The following MYO18B variants were observed in gnomAD, a reference collection of about 807,000 sequenced individuals.
The protein encoded by MYO18B is myosin XVIIIB.
Under a neutral mutation model 273.0 loss-of-function variants are expected in MYO18B, and 204 were observed. That is an observed-to-expected ratio of 0.75 (90% CI 0.67 to 0.84). MYO18B has a LOEUF of 0.84. Among genes scored for constraint, MYO18B ranks in the 40% least tolerant of loss-of-function variants. MYO18B has a pLI of 0.00. For missense variants in MYO18B, 3,212 were observed against 3,287.6 expected, an observed-to-expected ratio of 0.98 and a Z score of 0.56; for synonymous variants, 1,330 against 1,305.7, an observed-to-expected ratio of 1.02 and a Z score of -0.40.
rs149021569 is a variant in MYO18B at position 25,771,259 on chromosome 22, GTTC to G, written c.1692+280_1692+282del. 7.8e-3 allele frequency among the ~76,000 whole-genome samples: 1,189 copies of G among 152,328 alleles called. 16 individuals carry two copies. The highest frequency in any genetic ancestry group is 0.026 in the African/African-American group (1,093 of 41,556). ...TGTTTGTCAGGTCTTGGCCCTGGGAGTTCTTCTGATGGACCCAAGAAAATGACT... is the reference window on the plus strand; with the variant it reads ...TGTTTGTCAGGTCTTGGCCCTGGGAGTTCTGATGGACCCAAGAAAATGACT... On this transcript the variant is annotated intron_variant, in intron 6 of 43. Coordinates refer to ENST00000335473, the MANE Select transcript of MYO18B (RefSeq NM_032608.7).
intron 42 of MYO18B, among the ~76,000 whole-genome samples, chr22:26,010,383 G>T (rs1327537804): frequency 6.6e-6 from 1 of 152,120 alleles, no homozygotes; most frequent in Non-Finnish European, 1.5e-5. Context: ...GAAGCATGTG[G>T]TGGGCTCAGA....
intron 17 of MYO18B, 85 bp from the exon 18 acceptor site, chr22:25,843,650 G>A (rs1039016374): frequency 2.1e-6 from 3 of 1,413,642 alleles, no homozygotes; most frequent in Non-Finnish European, 2.9e-6. Context: ...ACGTTAAGAT[G>A]GATACTGTGC....
rs1569225163 is a variant in MYO18B at position 25,948,448 on chromosome 22, TTCCTTCCTTCC to T, written c.5748+622_5748+632del. Among the ~76,000 whole-genome samples the T allele has an allele frequency of 6.6e-4, 86 of 131,246 alleles. 1 individual carries two copies. The highest frequency in any genetic ancestry group is 8.7e-4 in the Non-Finnish European group (55 of 63,488). 86.1% of individuals were successfully genotyped at this position (131,246 alleles called of 152,430 possible). A position where few individuals can be genotyped will look rare whatever the true frequency, so the allele number is the denominator to read the frequency against. On this transcript the variant is annotated intron_variant, in intron 36 of 43. Transcript: ENST00000335473. ...CTTCCTTCCTTCCTTCCTTCCTTCCTTCCTTCCTTCCTTCTTTCTTTCTTTCTTTCTTTCTT... is the reference window on the plus strand; with the variant it reads ...CTTCCTTCCTTCCTTCCTTCCTTCCTTTCTTTCTTTCTTTCTTTCTTTCTT...
At chr22:25,977,594 T>G (rs2093105161) in intron 39 of MYO18B, among the ~76,000 whole-genome samples, 4 of 152,080 alleles carry the variant, frequency 2.6e-5, no homozygotes, top group Admixed American at 2.6e-4. Flanking sequence ...TACAATAGTT[T>G]GGCTAGTAGA....
At chr22:26,032,322 G>A (rs1936685135), downstream of MYO18B, among the ~76,000 whole-genome samples, 1 of 152,144 alleles carries the variant, frequency 6.6e-6, no homozygotes, top group South Asian at 2.1e-4. Flanking sequence ...TGAAATCAAG[G>A]TGTCAGCAGG....
At chr22:25,817,036 A>G (rs184747083) in intron 12 of MYO18B, among the ~76,000 whole-genome samples, 3 of 152,334 alleles carry the variant, frequency 2.0e-5, no homozygotes, top group African/African-American at 7.2e-5. Context: ...ATTGATAGCA[A>G]TTGAACTCAT....
intron 21 of MYO18B, among the ~76,000 whole-genome samples, chr22:25,864,343 TTTATC>T (rs1367019259): frequency 2.6e-5 from 4 of 152,212 alleles, no homozygotes; most frequent in African/African-American, 9.6e-5. Flanking sequence ...TTTATCCATA[TTTATC>T]TTGTTTTGGG....
chr22:25,761,247 T>C, intron 2 of MYO18B, 116 bp downstream of exon 2: 1 of 1,178,362 alleles, frequency 8.5e-7, no homozygotes. Flanking sequence ...GCCCTCCTAG[T>C]AGCATGTGCA....
chr22:25,987,387 C>T (rs1231075221), intron 39 of MYO18B, among the ~76,000 whole-genome samples: 1 of 152,140 alleles, frequency 6.6e-6, no homozygotes, highest in African/African-American at 2.4e-5. Context: ...TCATAGTTCT[C>T]TCAAGTGATG....
intron 40 of MYO18B, among the ~76,000 whole-genome samples, chr22:25,997,597 A>T (rs1933429897): frequency 6.6e-6 from 1 of 152,154 alleles, no homozygotes; most frequent in Non-Finnish European, 1.5e-5. Context: ...AAACTGGGGG[A>T]AAAAATTGCC....
At chr22:25,913,638 G>C (rs757183773) in intron 33 of MYO18B, among the ~76,000 whole-genome samples, 4 of 152,192 alleles carry the variant, frequency 2.6e-5, no homozygotes, top group Admixed American at 6.5e-5. Context: ...AAAGTGCTGG[G>C]ATTACAGGCG....
intron 33 of MYO18B, among the ~76,000 whole-genome samples, chr22:25,914,151 T>G (rs1240375119): frequency 6.6e-6 from 1 of 152,216 alleles, no homozygotes; most frequent in Non-Finnish European, 1.5e-5. Context: ...GGTTTTTTTT[T>G]GTCTATTTCT....
In MYO18B at chr22:25,952,337, C is replaced by A; in HGVS notation, c.5884C>A (p.Arg1962=). 1 of 1,611,888 alleles carries A rather than the reference C, an allele frequency of 6.2e-7. No homozygotes were observed. The highest frequency in any genetic ancestry group is 8.5e-7 in the Non-Finnish European group (1 of 1,179,106). The change falls in exon 38 of 44, where the codon CGA becomes AGA. Residue 1962 remains arginine, a synonymous_variant. Transcript: ENST00000335473. The part of the protein sequence containing the change: ...IEYLEQSTVD[R]AIVSRQEAVI... ...GTACCTGGAACAGTCCACCGTGGAT[C>A]GAGCCATCGTCAGCAGGCAGGAGGC...
At chr22:26,039,846 G>T in the MYO18B span, among the ~76,000 whole-genome samples, 9 of 151,930 alleles carry the variant, frequency 5.9e-5, no homozygotes, top group Admixed American at 3.3e-4. Context: ...TCTTTTCAAG[G>T]CAGGCTCTCA....
At chr22:26,017,967 G>GTTTTTTTT (rs869143722) in intron 42 of MYO18B, among the ~76,000 whole-genome samples, 3 of 9,780 alleles carry the variant, frequency 3.1e-4, no homozygotes, top group Non-Finnish European at 4.0e-4. Context: ...TTACTGTTTT[G>GTTTTTTTT]TTTTTTTTTT....
At chr22:25,970,746 A>G (rs1344499109) in intron 39 of MYO18B, among the ~76,000 whole-genome samples, 1 of 152,178 alleles carries the variant, frequency 6.6e-6, no homozygotes. Context: ...CTTTTGGTGG[A>G]AGATGATGTG....
At chr22:25,933,463 TTTGTC>T (rs148476879) in intron 34 of MYO18B, among the ~76,000 whole-genome samples, 3,855 of 152,214 alleles carry the variant, frequency 0.025, 162 homozygotes, top group African/African-American at 0.088. Flanking sequence ...ACACAGGCCT[TTTGTC>T]TTCTGTCTTC....
At chr22:25,749,776 A>G (rs1449262804) in intron 1 of MYO18B, among the ~76,000 whole-genome samples, 5 of 152,150 alleles carry the variant, frequency 3.3e-5, no homozygotes, top group African/African-American at 1.2e-4. Flanking sequence ...GGGCTATAGT[A>G]GGGTGCAGAG....
intron 40 of MYO18B, among the ~76,000 whole-genome samples, chr22:26,002,961 A>G (rs1235717687): frequency 6.6e-6 from 1 of 152,212 alleles, no homozygotes; most frequent in Non-Finnish European, 1.5e-5. Flanking sequence ...TACTAGTTGT[A>G]CTAAAACAAG....
Sources: allele counts gnomAD v4.1 joint callset (sites outside exome capture counted in the v4.1 genomes callset), GRCh38; gene constraint gnomAD v4.1.1; transcripts MANE v1.5; gene names NCBI Gene and HGNC (gene_info 2026-07-23, HGNC 2026-07-21).